PPP4R4: variants seen among roughly 807,000 people sequenced by gnomAD.
PPP4R4 encodes the protein serine/threonine-protein phosphatase 4 regulatory subunit 4.
In PPP4R4, 70 loss-of-function variants were observed where a neutral mutation model predicts 121.8. That is an observed-to-expected ratio of 0.57 (90% CI 0.47 to 0.70). The LOEUF (loss-of-function observed/expected upper bound fraction) is 0.70. Among genes scored for constraint, PPP4R4 ranks in the 30% least tolerant of loss-of-function variants. The pLI is 0.00. For synonymous variants in PPP4R4, 348 were observed against 355.7 expected, an observed-to-expected ratio of 0.98 and a Z score of 0.24; for missense variants, 875 against 1,033.6, an observed-to-expected ratio of 0.85 and a Z score of 2.10.
chr14:94,182,975 A>T (rs1314408662), intron 2 of PPP4R4, among the ~76,000 whole-genome samples: 1 of 152,154 alleles, frequency 6.6e-6, no homozygotes, highest in Non-Finnish European at 1.5e-5. Context: ...TCAATAATGA[A>T]CTTCCTAGTT....
chr14:94,232,383 G>A (rs1282459042), intron 5 of PPP4R4, among the ~76,000 whole-genome samples: 2 of 152,076 alleles, frequency 1.3e-5, no homozygotes, highest in African/African-American at 4.8e-5. Flanking sequence ...TTAAATACTG[G>A]CTTGAAAATG....
At chr14:94,174,640 C>T in intron 1 of PPP4R4, 58 bp downstream of exon 1, 2 of 1,589,244 alleles carry the variant, frequency 1.3e-6, no homozygotes, top group Non-Finnish European at 1.7e-6. Flanking sequence ...CCCGCGCGGT[C>T]CCGCGCTGAT....
At chr14:94,189,496 C>T (rs1889478298) in intron 2 of PPP4R4, among the ~76,000 whole-genome samples, 1 of 152,168 alleles carries the variant, frequency 6.6e-6, no homozygotes, top group Non-Finnish European at 1.5e-5. Context: ...GTCAAATGAA[C>T]AGACAGGAGC....
At chr14:94,231,359 A>G in intron 5 of PPP4R4, 44 bp downstream of exon 5, 1 of 1,491,102 alleles carries the variant, frequency 6.7e-7, no homozygotes, top group Non-Finnish European at 9.1e-7. Context: ...AAGTCACTCT[A>G]AGGTTTTTTT....
chr14:94,254,331 A>C (rs969192946), intron 16 of PPP4R4, among the ~76,000 whole-genome samples: 1 of 152,208 alleles, frequency 6.6e-6, no homozygotes, highest in Non-Finnish European at 1.5e-5. Flanking sequence ...AGTTTAGACA[A>C]TGTCAAGCTG....
chr14:94,176,113 T>G lies in PPP4R4; in HGVS notation c.177T>G (p.Ala59=). The G allele has an allele frequency of 6.2e-7, 1 of 1,610,288 alleles. No homozygotes were observed. The highest frequency in any genetic ancestry group is 2.2e-5 in the East Asian group (1 of 44,880). Reference sequence around the variant, plus strand: ...AAGACCTCAGTGATATTGAAAGGGCTGTTTATCTGCTCAGGTATTTCCTAG... The same window carrying G: ...AAGACCTCAGTGATATTGAAAGGGCGGTTTATCTGCTCAGGTATTTCCTAG... ...VDEDLSDIER[A]VYLLSAGQDV... The change falls in exon 2 of 25, where the codon GCT becomes GCG. Residue 59 remains alanine (A), a synonymous_variant. Coordinates refer to ENST00000304338, the MANE Select transcript of PPP4R4 (RefSeq NM_058237.2).
Position 94,189,964 on chromosome 14 carries a change from G to A in PPP4R4, c.191+13837G>A, listed in dbSNP as rs150986530. On this transcript the variant is annotated intron_variant, in intron 2 of 24. Transcript: ENST00000304338. ...TGAACATGTCACTTTACCTATTTAG[G>A]TTAGTTAATTGGGTCTCTTCTCCTT... Among the ~76,000 whole-genome samples, 8 of 152,170 alleles carry A rather than the reference G, an allele frequency of 5.3e-5. No individual in the cohort carries two copies. In the East Asian group the frequency reaches 1.4e-3, roughly 26 times the overall value.
intron 23 of PPP4R4, among the ~76,000 whole-genome samples, chr14:94,270,582 G>T (rs955014072): frequency 1.3e-5 from 2 of 152,164 alleles, no homozygotes; most frequent in African/African-American, 4.8e-5. Context: ...AATGGTGATA[G>T]AATAATATTT....
intron 2 of PPP4R4, among the ~76,000 whole-genome samples, chr14:94,199,278 T>C (rs1043544548): frequency 3.3e-5 from 5 of 152,240 alleles, no homozygotes; most frequent in Admixed American, 3.3e-4. Context: ...CCCAGACCGC[T>C]CGCAGGGCGT....
intron 3 of PPP4R4, among the ~76,000 whole-genome samples, chr14:94,219,290 G>T (rs1395299105): frequency 6.6e-6 from 1 of 151,798 alleles, no homozygotes; most frequent in African/African-American, 2.4e-5. Flanking sequence ...TGGCCAGGTT[G>T]GTCTTGAACT....
intron 2 of PPP4R4, among the ~76,000 whole-genome samples, chr14:94,199,471 G>A (rs1890051217): frequency 6.6e-6 from 1 of 152,134 alleles, no homozygotes; most frequent in South Asian, 2.1e-4. Flanking sequence ...GTCCGTAGGC[G>A]GCTTGTGTTA....
intron 2 of PPP4R4, among the ~76,000 whole-genome samples, chr14:94,178,000 T>A (rs1193050592): frequency 6.6e-6 from 1 of 152,222 alleles, no homozygotes; most frequent in Non-Finnish European, 1.5e-5. Context: ...ACTGAGTTCT[T>A]CTTTTGTATC....
chr14:94,262,847 TATTTTTACCTTCATTCCTGAA>T (rs1449176598), intron 19 of PPP4R4, among the ~76,000 whole-genome samples: 1 of 152,090 alleles, frequency 6.6e-6, no homozygotes, highest in Non-Finnish European at 1.5e-5. Flanking sequence ...TAAAATGTCT[TATTTTTACCTTCATTCCTGAA>T]GGATATTTTC....
At position 94,278,946 on chromosome 14, in the gene PPP4R4, G is replaced by T. The variant is rs1894791078; in HGVS notation, c.*303G>T. ...ATGTGCTTTAACCACTGCTGCAAAA[G>T]AGACAAGTCTGCATTTATTTGTGCA... On this transcript the variant is annotated 3_prime_UTR_variant, in exon 25 of 25. Coordinates refer to ENST00000304338, the MANE Select transcript of PPP4R4 (RefSeq NM_058237.2). 5.1e-6 allele frequency: 1 copy of T among 195,976 alleles called. No homozygotes were observed. Among genetic ancestry groups the T allele is most frequent in the South Asian group, 1.9e-4 (1 of 5,370 alleles). The allele number at this position is 195,976 out of a possible 1,614,324, so 12.1% of individuals were successfully genotyped here.
chr14:94,276,322 G>C (rs1894636418), intron 24 of PPP4R4, among the ~76,000 whole-genome samples: 1 of 152,206 alleles, frequency 6.6e-6, no homozygotes, highest in African/African-American at 2.4e-5. Flanking sequence ...TGCAAAAACT[G>C]TGCTGGAGTC....
At chr14:94,184,843 A>G (rs1292414596) in intron 2 of PPP4R4, among the ~76,000 whole-genome samples, 1 of 152,218 alleles carries the variant, frequency 6.6e-6, no homozygotes, top group Non-Finnish European at 1.5e-5. Context: ...CCCTCCAATC[A>G]GAAATGTTAA....
At chr14:94,198,756 C>T (rs1487876558) in intron 2 of PPP4R4, among the ~76,000 whole-genome samples, 4 of 152,078 alleles carry the variant, frequency 2.6e-5, no homozygotes, top group African/African-American at 7.2e-5. Context: ...TTTAATTGTC[C>T]CACCACCACT....
At chr14:94,255,236 C>T (rs1893404255) in intron 16 of PPP4R4, among the ~76,000 whole-genome samples, 1 of 152,118 alleles carries the variant, frequency 6.6e-6, no homozygotes, top group Non-Finnish European at 1.5e-5. Flanking sequence ...AGATGAAAAC[C>T]TTAAATAAAT....
intron 3 of PPP4R4, among the ~76,000 whole-genome samples, chr14:94,221,080 C>G (rs1463751167): frequency 6.6e-6 from 1 of 152,106 alleles, no homozygotes; most frequent in Non-Finnish European, 1.5e-5. Context: ...TAAGAAAACT[C>G]ACACCTACCC....
Sources: gnomAD v4.1 joint callset for allele counts (sites outside exome capture counted in the v4.1 genomes callset) on GRCh38, gnomAD v4.1.1 for gene constraint, MANE v1.5 for transcripts, NCBI Gene and HGNC (gene_info 2026-07-23, HGNC 2026-07-21) for gene names.